The following FHIT variants were observed in gnomAD, a reference collection of about 807,000 sequenced individuals.
FHIT encodes bis(5'-adenosyl)-triphosphatase.
FHIT carries 19 observed loss-of-function variants against 17.9 expected under a neutral mutation model. The ratio of observed to expected loss-of-function variants is 1.06; its 90% CI spans 0.74 to 1.56. FHIT has a LOEUF of 1.56. Among genes scored for constraint, FHIT ranks in the 40% most tolerant of loss-of-function variants. The probability of loss-of-function intolerance (pLI) is 0.00; values close to 1 mark genes in which losing one functional copy is unlikely to be tolerated. For synonymous variants in FHIT, 81 were observed against 69.7 expected (o/e 1.16, Z -0.81); for missense variants, 248 against 189.2 (o/e 1.31, Z -1.82).
intron 3 of FHIT, among the ~76,000 whole-genome samples, chr3:61,007,253 T>C (rs1207720530): frequency 6.6e-6 from 1 of 152,216 alleles, no homozygotes; most frequent in Non-Finnish European, 1.5e-5. Flanking sequence ...AGTTAGACCC[T>C]GTCATTCGAT....
At chr3:60,707,062 C>T (rs577158369) in intron 4 of FHIT, among the ~76,000 whole-genome samples, 24 of 152,184 alleles carry the variant, frequency 1.6e-4, no homozygotes, top group Non-Finnish European at 3.1e-4. Context: ...ACATTTACTT[C>T]AATATTCTAC....
intron 4 of FHIT, among the ~76,000 whole-genome samples, chr3:60,760,411 G>C (rs1390163117): frequency 6.6e-6 from 1 of 152,216 alleles, no homozygotes; most frequent in Non-Finnish European, 1.5e-5. Context: ...CCAGCAGAGA[G>C]AAGCTATTGG....
intron 2 of FHIT, among the ~76,000 whole-genome samples, chr3:61,163,435 T>C (rs1469781413): frequency 6.6e-6 from 1 of 152,146 alleles, no homozygotes; most frequent in Admixed American, 6.5e-5. Flanking sequence ...TGAAACAATA[T>C]TTGTTGTGAT....
chr3:59,965,687 T>G (rs546954859), intron 7 of FHIT, among the ~76,000 whole-genome samples: 104 of 152,308 alleles, frequency 6.8e-4, no homozygotes, highest in Middle Eastern at 6.8e-3. Flanking sequence ...ATTCTTGAAA[T>G]GAACTTTTTA....
intron 2 of FHIT, among the ~76,000 whole-genome samples, chr3:61,066,962 A>T (rs1222600447): frequency 6.6e-6 from 1 of 152,196 alleles, no homozygotes; most frequent in Non-Finnish European, 1.5e-5. Flanking sequence ...GCAACCCACC[A>T]ATTGGTTAAG....
intron 2 of FHIT, among the ~76,000 whole-genome samples, chr3:61,092,471 C>T (rs1028011971): frequency 3.3e-5 from 5 of 151,488 alleles, no homozygotes; most frequent in African/African-American, 1.2e-4. Context: ...CAAAAAGGCC[C>T]CAGAGCTCTA....
intron 8 of FHIT, among the ~76,000 whole-genome samples, chr3:59,853,350 A>C (rs1292483771): frequency 6.6e-6 from 1 of 152,230 alleles, no homozygotes; most frequent in Non-Finnish European, 1.5e-5. Flanking sequence ...GGCCATTGTA[A>C]GCTAGAGCCA....
chr3:59,817,531 C>CCACCCTGG (rs1700641789), intron 8 of FHIT, among the ~76,000 whole-genome samples: 1 of 136,108 alleles, frequency 7.3e-6, no homozygotes, highest in Admixed American at 8.6e-5. Flanking sequence ...CCACTGTACT[C>CCACCCTGG]CACCCTGGGA....
intron 5 of FHIT, among the ~76,000 whole-genome samples, chr3:60,233,017 T>C (rs189281938): frequency 3.9e-5 from 6 of 152,174 alleles, no homozygotes; most frequent in Non-Finnish European, 7.4e-5. Flanking sequence ...CAAATAACAC[T>C]GTGCAGTGGT....
chr3:60,033,427 G>C (rs1701084311), intron 5 of FHIT, among the ~76,000 whole-genome samples: 1 of 151,876 alleles, frequency 6.6e-6, no homozygotes. Context: ...CTGGGAGGCA[G>C]AGGCTGCGGT....
rs182625135 is a variant in FHIT, at chr3:60,683,734, T to C, written c.-18+138185A>G. On this transcript the variant is annotated intron_variant, in intron 4 of 9. Transcript: ENST00000492590. ...TCAGTGTGACATTATTGTTCTACTA[T>C]GGTTATTTTACTGTGTTTTACTTAC... is the stretch of plus-strand genomic sequence containing the variant. Among the ~76,000 whole-genome samples the C allele has an allele frequency of 9.8e-5, 15 of 152,298 alleles. No homozygotes were observed. The East Asian group carries it at 2.5e-3, about 26-fold the overall frequency.
In FHIT at chr3:61,250,077, A is replaced by G. The variant is rs115201915; in HGVS notation, c.-213+1224T>C. ...CCGGCAGCCATGAACGCAGGTCCAC[A>G]TGGGAGTTGTAGTTCCGAGTCAAGC... On this transcript the variant is annotated intron_variant, in intron 1 of 9. Coordinates refer to ENST00000492590, the MANE Select transcript of FHIT (RefSeq NM_002012.4). Among the ~76,000 whole-genome samples, 929 of 152,282 alleles carry G rather than the reference A, an allele frequency of 6.1e-3. 10 individuals carry two copies. The highest frequency in any genetic ancestry group is 0.022 in the African/African-American group (896 of 41,560).
At chr3:60,629,933 C>T (rs1232330626) in intron 4 of FHIT, among the ~76,000 whole-genome samples, 2 of 152,172 alleles carry the variant, frequency 1.3e-5, no homozygotes, top group Non-Finnish European at 2.9e-5. Context: ...TAGCCTGACA[C>T]TTGATAGCTG....
intron 3 of FHIT, among the ~76,000 whole-genome samples, chr3:60,883,117 G>A (rs968431339): frequency 6.6e-6 from 1 of 151,870 alleles, no homozygotes; most frequent in Non-Finnish European, 1.5e-5. Context: ...ACTTACAATA[G>A]CTACAGAAAG....
At chr3:60,314,407 C>T (rs1413889631) in intron 5 of FHIT, among the ~76,000 whole-genome samples, 2 of 151,982 alleles carry the variant, frequency 1.3e-5, no homozygotes, top group Non-Finnish European at 2.9e-5. Context: ...CTAAGTTCAC[C>T]CGAGCCTGGA....
chr3:59,754,230 G>T (rs983295302), intron 8 of FHIT, among the ~76,000 whole-genome samples: 1 of 152,152 alleles, frequency 6.6e-6, no homozygotes, highest in African/African-American at 2.4e-5. Context: ...GAGCCTAAAT[G>T]AGGCTCATTA....
chr3:61,046,720 G>A (rs963271475), intron 2 of FHIT, among the ~76,000 whole-genome samples: 2 of 152,132 alleles, frequency 1.3e-5, no homozygotes, highest in East Asian at 1.9e-4. Flanking sequence ...TACCCCTGAT[G>A]AACTTCGATG....
At chr3:60,093,721 A>T (rs2107107275) in intron 5 of FHIT, among the ~76,000 whole-genome samples, 1 of 152,338 alleles carries the variant, frequency 6.6e-6, no homozygotes. Context: ...GCACATGCGA[A>T]GGATTTAGAA....
rs116382926 is a variant in FHIT at position 60,985,854 on chromosome 3, T to C, written c.-111+56193A>G. Among the ~76,000 whole-genome samples, 243 of 152,344 alleles carry C rather than the reference T, an allele frequency of 1.6e-3. 1 individual carries two copies. The highest frequency in any genetic ancestry group is 5.6e-3 in the African/African-American group (232 of 41,592). On this transcript the variant is annotated intron_variant, in intron 3 of 9. Coordinates refer to ENST00000492590, the MANE Select transcript of FHIT (RefSeq NM_002012.4). ...CAGAAGCCCAAAACAGGTCAAGGTGTTGACAGGGCTGTTCCTTCTGGAGGC... is the reference window on the plus strand; with the variant it reads ...CAGAAGCCCAAAACAGGTCAAGGTGCTGACAGGGCTGTTCCTTCTGGAGGC...
Sources: gnomAD v4.1 joint callset for allele counts (sites outside exome capture counted in the v4.1 genomes callset) on GRCh38, gnomAD v4.1.1 for gene constraint, MANE v1.5 for transcripts, NCBI Gene and HGNC (gene_info 2026-07-23, HGNC 2026-07-21) for gene names.